The following PCDHA8 variants were observed in gnomAD, a reference collection of about 807,000 sequenced individuals.
PCDHA8 encodes the protein protocadherin alpha-8.
Under a neutral mutation model 61.8 loss-of-function variants are expected in PCDHA8, and 53 were observed. That is an observed-to-expected ratio of 0.86 (90% CI 0.69 to 1.08). The LOEUF (loss-of-function observed/expected upper bound fraction) is 1.08. Ranked by LOEUF, PCDHA8 falls within the 50% of genes least tolerant of loss-of-function variation. The pLI is 0.00. For missense variants in PCDHA8, 1,293 were observed against 1,245.0 expected (o/e 1.04, Z -0.58); for synonymous variants, 618 against 556.6 (o/e 1.11, Z -1.55).
intron 1 of PCDHA8, chr5:140,870,730 C>T: frequency 1.4e-5 from 23 of 1,613,398 alleles, no homozygotes; most frequent in Non-Finnish European, 1.9e-5. Context: ...GGGCGTGCCG[C>T]CTCTGAGCAG....
intron 1 of PCDHA8, among the ~76,000 whole-genome samples, chr5:140,970,092 A>C (rs1554232243): frequency 6.6e-6 from 1 of 151,978 alleles, no homozygotes; most frequent in East Asian, 1.9e-4. Context: ...GTGTGGGGGG[A>C]TGGTGAAGAC....
chr5:140,873,928 T>C (rs944678136), intron 1 of PCDHA8, among the ~76,000 whole-genome samples: 1 of 152,216 alleles, frequency 6.6e-6, no homozygotes, highest in Non-Finnish European at 1.5e-5. Flanking sequence ...CCCAAAGTGC[T>C]GGGATTACAG....
At chr5:140,858,321 C>A in intron 1 of PCDHA8, 1 of 1,596,814 alleles carries the variant, frequency 6.3e-7, no homozygotes, top group Non-Finnish European at 8.6e-7. Flanking sequence ...AGGGTGTGTT[C>A]TGGGGAGGGC....
chr5:140,916,028 C>T (rs1554197245), intron 1 of PCDHA8, among the ~76,000 whole-genome samples: 1 of 152,152 alleles, frequency 6.6e-6, no homozygotes, highest in African/African-American at 2.4e-5. Flanking sequence ...TCCCATTCTT[C>T]CCTCCCCTTT....
chr5:140,858,235 A>C, intron 1 of PCDHA8: 2 of 1,596,218 alleles, frequency 1.3e-6, no homozygotes, highest in Non-Finnish European at 1.7e-6. Flanking sequence ...CCGAGGGCGC[A>C]TGTGGGCCGG....
At chr5:140,894,317 A>G (rs2064424513) in intron 1 of PCDHA8, among the ~76,000 whole-genome samples, 1 of 152,034 alleles carries the variant, frequency 6.6e-6, no homozygotes, top group Non-Finnish European at 1.5e-5. Flanking sequence ...TTCTTAAATT[A>G]TAGATTTTAG....
At chr5:140,959,285 G>A (rs2095478960) in intron 1 of PCDHA8, among the ~76,000 whole-genome samples, 1 of 152,002 alleles carries the variant, frequency 6.6e-6, no homozygotes, top group African/African-American at 2.4e-5. Flanking sequence ...CCTGAGGTGG[G>A]AGCATCACTG....
At chr5:140,861,135 G>A (rs1182257816) in intron 1 of PCDHA8, 1 of 153,800 alleles carries the variant, frequency 6.5e-6, no homozygotes, top group East Asian at 1.9e-4. Context: ...AGACCACTTG[G>A]AACCTCAGGA....
At chr5:140,881,244 CG>C in intron 1 of PCDHA8, 1 of 397,012 alleles carries the variant, frequency 2.5e-6, no homozygotes, top group Non-Finnish European at 3.4e-6. Flanking sequence ...ATTTAAATGA[CG>C]GCAAGGTTTT....
chr5:140,987,122 G>A (rs1054053197), intron 3 of PCDHA8, among the ~76,000 whole-genome samples: 2 of 151,858 alleles, frequency 1.3e-5, no homozygotes, highest in African/African-American at 4.8e-5. Context: ...GCTGAGGCAG[G>A]AGAATTGCTT....
intron 1 of PCDHA8, among the ~76,000 whole-genome samples, chr5:140,879,820 T>C (rs917285977): frequency 6.6e-6 from 1 of 152,232 alleles, no homozygotes; most frequent in Non-Finnish European, 1.5e-5. Flanking sequence ...CTGTTGGTGT[T>C]CCCTGGCTTG....
chr5:140,904,162 A>G (rs1554191325), intron 1 of PCDHA8, among the ~76,000 whole-genome samples: 1 of 152,028 alleles, frequency 6.6e-6, no homozygotes, highest in Non-Finnish European at 1.5e-5. Context: ...CCCAGTTTGT[A>G]GTCTTTTATT....
At chr5:140,941,095 A>C (rs2092727620) in intron 1 of PCDHA8, among the ~76,000 whole-genome samples, 1 of 152,062 alleles carries the variant, frequency 6.6e-6, no homozygotes, top group South Asian at 2.1e-4. Flanking sequence ...TAGTTTTCAC[A>C]TACTATTACT....
chr5:141,004,037 G>C (rs946974688), intron 3 of PCDHA8, among the ~76,000 whole-genome samples: 1 of 152,200 alleles, frequency 6.6e-6, no homozygotes, highest in African/African-American at 2.4e-5. Context: ...TTCCTTGATT[G>C]ATCATTTGCT....
chr5:141,005,255 CACTGGTGATACATTGGTGAAT>C (rs1319250318), intron 3 of PCDHA8, among the ~76,000 whole-genome samples: 1 of 152,182 alleles, frequency 6.6e-6, no homozygotes, highest in African/African-American at 2.4e-5. Context: ...TTGTGCTAGG[CACTGGTGATACATTGGTGAAT>C]AAACAGATAC....
intron 1 of PCDHA8, chr5:140,882,132 A>G: frequency 6.8e-7 from 1 of 1,475,878 alleles, no homozygotes; most frequent in Non-Finnish European, 9.1e-7. Flanking sequence ...TTCTTCCTGC[A>G]GAAAATATAG....
At chr5:140,876,131 C>G in intron 1 of PCDHA8, 3 of 1,613,872 alleles carry the variant, frequency 1.9e-6, no homozygotes, top group Non-Finnish European at 2.5e-6. Context: ...GGCGGTAAAC[C>G]AGAACTAACA....
intron 3 of PCDHA8, among the ~76,000 whole-genome samples, chr5:140,988,622 A>G (rs192744779): frequency 6.6e-6 from 1 of 152,242 alleles, no homozygotes; most frequent in East Asian, 1.9e-4. Flanking sequence ...TAGAATGGAG[A>G]TGTCCTGGTT....
At chr5:140,956,717 A>C (rs2153710827) in intron 1 of PCDHA8, among the ~76,000 whole-genome samples, 1 of 152,308 alleles carries the variant, frequency 6.6e-6, no homozygotes. Flanking sequence ...CTTCAGAAGA[A>C]TTGGTACCAG....
Sources: allele counts gnomAD v4.1 joint callset (sites outside exome capture counted in the v4.1 genomes callset), GRCh38; gene constraint gnomAD v4.1.1; transcripts MANE v1.5; gene names NCBI Gene and HGNC (gene_info 2026-07-23, HGNC 2026-07-21).